CRB1: variants seen among roughly 807,000 people sequenced by gnomAD.
The protein encoded by CRB1 is protein crumbs homolog 1.
In CRB1, 83 loss-of-function variants were observed where a neutral mutation model predicts 120.0. The ratio of observed to expected loss-of-function variants is 0.69; its 90% CI spans 0.58 to 0.83. The LOEUF is 0.83. CRB1 is among the 40% of genes least tolerant of loss of function. The pLI is 0.00. For missense variants in CRB1, 1,699 were observed against 1,687.6 expected (o/e 1.01, Z -0.12); for synonymous variants, 625 against 612.5 (o/e 1.02, Z -0.30).
At chr1:197,420,360 A>G (rs1664239822) in intron 5 of CRB1, among the ~76,000 whole-genome samples, 1 of 152,238 alleles carries the variant, frequency 6.6e-6, no homozygotes, top group South Asian at 2.1e-4. Flanking sequence ...AAAAAAAAGT[A>G]GAAAGTGAAG....
chr1:197,219,698 T>G, the CRB1 span, among the ~76,000 whole-genome samples: 1 of 152,218 alleles, frequency 6.6e-6, no homozygotes, highest in Non-Finnish European at 1.5e-5. Flanking sequence ...TGGCTTCCAT[T>G]TGGTTTTAAG....
intron 10 of CRB1, chr1:197,439,241 T>C (rs1437817355): frequency 6.2e-6 from 1 of 161,718 alleles, no homozygotes; most frequent in Non-Finnish European, 1.4e-5. Flanking sequence ...AGTTCAGGGG[T>C]AGAAATAATG....
intron 3 of CRB1, among the ~76,000 whole-genome samples, chr1:197,347,135 T>C (rs1302201272): frequency 6.6e-6 from 1 of 152,228 alleles, no homozygotes; most frequent in Non-Finnish European, 1.5e-5. Flanking sequence ...TGCATGACCC[T>C]GTACTTTAAA....
At chr1:197,419,518 A>G (rs944430401) in intron 5 of CRB1, among the ~76,000 whole-genome samples, 1 of 151,994 alleles carries the variant, frequency 6.6e-6, no homozygotes, top group Admixed American at 6.6e-5. Context: ...ATGCGCCACC[A>G]TGCTTGGCCA....
intron 1 of CRB1, among the ~76,000 whole-genome samples, chr1:197,281,687 C>G (rs1465603187): frequency 6.6e-6 from 1 of 151,816 alleles, no homozygotes; most frequent in African/African-American, 2.4e-5. Flanking sequence ...TTAGATACTT[C>G]AGGGGAACAT....
Position 197,365,622 on chromosome 1 carries a change from TC to T in CRB1, c.1171+8610del, listed in dbSNP as rs1558085153. Among the ~76,000 whole-genome samples, 117 of 129,692 alleles carry T rather than the reference TC, an allele frequency of 9.0e-4. 1 individual carries two copies. The highest frequency in any genetic ancestry group is 4.8e-3 in the African/African-American group (111 of 22,936). The allele number at this position is 129,692 out of a possible 152,430, so 85.1% of individuals were successfully genotyped here. A position where few individuals can be genotyped will look rare whatever the true frequency, so the allele number is the denominator to read the frequency against. On this transcript the variant is annotated intron_variant, in intron 5 of 11. Transcript: ENST00000367400. Reference sequence around the variant, plus strand: ...TCCTTCTCCTTCTCCTTCTTCTTCTTCTTCTTTTTTTTTTTTTTTTATCAGT... The same window carrying T: ...TCCTTCTCCTTCTCCTTCTTCTTCTTTTCTTTTTTTTTTTTTTTTATCAGT...
chr1:197,289,894 A>G (rs1425615235), intron 1 of CRB1, among the ~76,000 whole-genome samples: 1 of 151,556 alleles, frequency 6.6e-6, no homozygotes, highest in Non-Finnish European at 1.5e-5. Context: ...ACATAGTTAT[A>G]TATCTTCTCT....
rs371093889 is a variant in CRB1, at chr1:197,423,349, C to T, written c.2128+1393C>T. ...CAAACCAAGTTCCTGAATTGGTTAC[C>T]CTTCCCCCACTTCTCCCAGTTTCCT... On this transcript the variant is annotated intron_variant, in intron 6 of 11. Coordinates refer to ENST00000367400, the MANE Select transcript of CRB1 (RefSeq NM_201253.3). Among the ~76,000 whole-genome samples, 101 of 152,228 alleles carry T rather than the reference C, an allele frequency of 6.6e-4. 3 individuals are homozygous for T. Among genetic ancestry groups the T allele is most frequent in the Non-Finnish European group, 1.6e-4 (11 of 67,996 alleles).
chr1:197,333,624 T>A (rs1191326513), intron 2 of CRB1, among the ~76,000 whole-genome samples: 5 of 152,328 alleles, frequency 3.3e-5, no homozygotes, highest in African/African-American at 1.2e-4. Context: ...ATAAAAGTAA[T>A]CTTTTGGGAA....
chr1:197,248,585 T>G, the CRB1 span, among the ~76,000 whole-genome samples: 1 of 151,960 alleles, frequency 6.6e-6, no homozygotes, highest in African/African-American at 2.4e-5. Flanking sequence ...GGCTTAAAGA[T>G]TCTCTGTTTA....
chr1:197,441,952 A>T, intron 10 of CRB1: 2 of 601,218 alleles, frequency 3.3e-6, no homozygotes, highest in South Asian at 3.9e-5. Flanking sequence ...GTGTATATGT[A>T]TATATATGTG....
At chr1:197,304,307 T>C (rs933286211) in intron 1 of CRB1, 11 of 580,968 alleles carry the variant, frequency 1.9e-5, no homozygotes, top group Non-Finnish European at 2.0e-5. Context: ...GATTTTCTAA[T>C]GGTTACATTT....
At chr1:197,381,306 A>T (rs1438726656) in intron 5 of CRB1, among the ~76,000 whole-genome samples, 1 of 152,260 alleles carries the variant, frequency 6.6e-6, no homozygotes, top group African/African-American at 2.4e-5. Context: ...AAATAAAAGG[A>T]GACTAGATTA....
At chr1:197,224,719 AC>A in the CRB1 span, among the ~76,000 whole-genome samples, 2 of 152,134 alleles carry the variant, frequency 1.3e-5, no homozygotes, top group African/African-American at 4.8e-5. Context: ...TGCTGAAGAT[AC>A]AGTCCTACTT....
the CRB1 span, among the ~76,000 whole-genome samples, chr1:197,202,331 A>G: frequency 6.6e-6 from 1 of 152,336 alleles, no homozygotes; most frequent in East Asian, 1.9e-4. Flanking sequence ...AATTCCTAGC[A>G]AAAACTCACA....
In CRB1 at chr1:197,442,214, AG is replaced by A; in HGVS notation, c.3929del (p.Gly1310ValfsTer31). The A allele has an allele frequency of 6.2e-7, 1 of 1,614,050 alleles. No homozygotes were observed. The highest frequency in any genetic ancestry group is 8.5e-7 in the Non-Finnish European group (1 of 1,180,004). On this transcript the variant is annotated frameshift_variant, in exon 11 of 12. Coordinates refer to ENST00000367400, the MANE Select transcript of CRB1 (RefSeq NM_201253.3). LOFTEE classifies it high-confidence loss of function. ...ECASDPCVNGGLCQDLLNKFQ... is the reference protein window; with the variant it reads ...ECASDPCVNGXLCQDLLNKFQ... ...GTGCCTCTGATCCGTGTGTCAATGG[AG>A]GTCTGTGCCAGGACTTACTCAACAA... is the stretch of plus-strand genomic sequence containing the variant.
intron 1 of CRB1, 116 bp downstream of exon 1, chr1:197,268,598 T>G: frequency 1.2e-6 from 1 of 841,858 alleles, no homozygotes; most frequent in Non-Finnish European, 1.9e-6. Context: ...AAAGGAAGTT[T>G]TTATTTGTTT....
intron 2 of CRB1, among the ~76,000 whole-genome samples, chr1:197,335,506 A>AT (rs891157484): frequency 6.7e-4 from 101 of 149,858 alleles, no homozygotes; most frequent in Non-Finnish European, 3.7e-4. Flanking sequence ...TTTTGTTTTA[A>AT]TTTTTTTTTT....
At chr1:197,275,890 A>G (rs1315075730) in intron 1 of CRB1, among the ~76,000 whole-genome samples, 1 of 151,804 alleles carries the variant, frequency 6.6e-6, no homozygotes, top group East Asian at 1.9e-4. Flanking sequence ...ATAAAATGTC[A>G]TCTTTTATTT....
Sources: allele counts gnomAD v4.1 joint callset (sites outside exome capture counted in the v4.1 genomes callset), GRCh38; gene constraint gnomAD v4.1.1; transcripts MANE v1.5; gene names NCBI Gene and HGNC (gene_info 2026-07-23, HGNC 2026-07-21).